Variants in EXD2 observed in about 807,000 individuals in gnomAD.
The protein encoded by EXD2 is exonuclease 3'-5' domain containing 2.
A neutral mutation model predicts 62.5 loss-of-function variants in EXD2; 40 were observed. The observed-to-expected ratio is 0.64, with a 90% confidence interval of 0.50 to 0.83. EXD2 has a LOEUF of 0.83. Ranked by LOEUF, EXD2 falls within the 40% of genes least tolerant of loss-of-function variation. The pLI is 0.00. For missense variants in EXD2, 671 were observed against 761.8 expected (o/e 0.88, Z 1.40); for synonymous variants, 239 against 291.9 (o/e 0.82, Z 1.85).
At chr14:69,217,205 A>G (rs2043014043) in intron 3 of EXD2, among the ~76,000 whole-genome samples, 1 of 152,126 alleles carries the variant, frequency 6.6e-6, no homozygotes, top group Non-Finnish European at 1.5e-5. Context: ...GGCACACACT[A>G]CCACAACTGG....
At chr14:69,219,414 T>C (rs564448429) in intron 3 of EXD2, among the ~76,000 whole-genome samples, 76 of 152,360 alleles carry the variant, frequency 5.0e-4, no homozygotes, top group Non-Finnish European at 9.1e-4. Flanking sequence ...CTTAGGTTGA[T>C]TCTATATCTT....
chr14:69,200,459 T>G (rs1268391987), intron 1 of EXD2, among the ~76,000 whole-genome samples: 1 of 151,714 alleles, frequency 6.6e-6, no homozygotes, highest in Non-Finnish European at 1.5e-5. Flanking sequence ...CCCAGCACTT[T>G]GGGAGGCCGA....
At position 69,235,074 on chromosome 14, in the gene EXD2, G is replaced by A; in HGVS notation, c.1049+43G>A. On this transcript the variant is annotated intron_variant, in intron 6 of 9. Transcript: ENST00000685843. ...TGTCTAGTAAAGAGTCAGTGGCCCA[G>A]CCTTAGCAAAGGGTTTGATGCTTCC... The A allele has an allele frequency of 2.0e-6, 3 of 1,502,938 alleles. No homozygotes were observed. In the East Asian group the frequency reaches 7.0e-5, roughly 35 times the overall value. 93.1% of individuals were successfully genotyped at this position (1,502,938 alleles called of 1,614,324 possible).
intron 2 of EXD2, among the ~76,000 whole-genome samples, chr14:69,207,638 A>G (rs1450566376): frequency 1.1e-4 from 16 of 152,212 alleles, no homozygotes. Context: ...CTTTTAGGCC[A>G]GAGGCCACAG....
chr14:69,240,849 T>G, intron 9 of EXD2, 35 bp from the exon 10 acceptor site: 1 of 1,592,328 alleles, frequency 6.3e-7, no homozygotes, highest in Non-Finnish European at 8.6e-7. Context: ...CTGCGCTTGT[T>G]TCCCTCAGAC....
chr14:69,201,672 G>GTTTTTT (rs71102634), intron 1 of EXD2, among the ~76,000 whole-genome samples: 3 of 59,022 alleles, frequency 5.1e-5, no homozygotes, highest in Non-Finnish European at 9.1e-5. Context: ...TGTTTTCTCT[G>GTTTTTT]TTTTTTTTTT....
chr14:69,226,274 G>A (rs1411040295), intron 3 of EXD2, among the ~76,000 whole-genome samples: 2 of 152,176 alleles, frequency 1.3e-5, no homozygotes, highest in Non-Finnish European at 2.9e-5. Flanking sequence ...CCCAGTAGTC[G>A]TGTTTCTCAC....
rs1049353815 is a variant in EXD2 at position 69,220,113 on chromosome 14, A to G, written c.334-8703A>G. Among the ~76,000 whole-genome samples the G allele has an allele frequency of 2.6e-5, 4 of 151,636 alleles. No homozygotes were observed. In the East Asian group the frequency reaches 7.7e-4, roughly 29 times the overall value. On this transcript the variant is annotated intron_variant, in intron 3 of 9. Coordinates refer to ENST00000685843, the MANE Select transcript of EXD2 (RefSeq NM_001193360.2). Reference sequence around the variant, plus strand: ...ATATATCTTCTCTCTTTATGCTGTTATTGTGTTGAAATACATTGATTTTTG... The same window carrying G: ...ATATATCTTCTCTCTTTATGCTGTTGTTGTGTTGAAATACATTGATTTTTG...
At chr14:69,224,368 G>A (rs1449551810) in intron 3 of EXD2, 1 of 152,186 alleles carries the variant, frequency 6.6e-6, no homozygotes, top group African/African-American at 2.4e-5. Context: ...AGGGGGAAGG[G>A]TGCTAAACCA....
intron 3 of EXD2, among the ~76,000 whole-genome samples, chr14:69,210,838 A>G (rs2042782105): frequency 6.6e-6 from 1 of 152,224 alleles, no homozygotes. Flanking sequence ...TGTTTATACT[A>G]TACTATAGTT....
chr14:69,229,223 T>G lies in EXD2; in HGVS notation c.590+151T>G, dbSNP rs1041734757. ...TGCATATTGAATTTGTAAGGAGACA[T>G]TCCACCTTCTGTGAAACTTTGGTTA... On this transcript the variant is annotated intron_variant, in intron 4 of 9. Transcript: ENST00000685843. The G allele has an allele frequency of 2.7e-6, 3 of 1,103,058 alleles. No individual in the cohort carries two copies. The African/African-American group carries it at 4.8e-5, about 18-fold the overall frequency. The allele number at this position is 1,103,058 out of a possible 1,614,324, so 68.3% of individuals were successfully genotyped here. A position where few individuals can be genotyped will look rare whatever the true frequency, so the allele number is the denominator to read the frequency against.
intron 1 of EXD2, among the ~76,000 whole-genome samples, chr14:69,192,582 C>T (rs1431126777): frequency 5.3e-5 from 8 of 151,582 alleles, no homozygotes; most frequent in Non-Finnish European, 1.2e-4. Context: ...TTGTTTTTTT[C>T]CATCTCCACC....
chr14:69,233,670 A>G (rs930601180), intron 5 of EXD2, among the ~76,000 whole-genome samples: 1 of 150,650 alleles, frequency 6.6e-6, no homozygotes, highest in Non-Finnish European at 1.5e-5. Context: ...CAAATTCCTG[A>G]CCTCAAGTGA....
intron 3 of EXD2, among the ~76,000 whole-genome samples, chr14:69,218,110 A>G (rs1196216202): frequency 6.6e-6 from 1 of 152,212 alleles, no homozygotes; most frequent in African/African-American, 2.4e-5. Flanking sequence ...GAATCGCCAC[A>G]CTGTCTTCTA....
Position 69,228,873 on chromosome 14 carries a change from G to A in EXD2, c.391G>A (p.Gly131Ser), listed in dbSNP as rs2043465248. 6.2e-7 allele frequency: 1 copy of A among 1,614,024 alleles called. No individual in the cohort carries two copies. The highest frequency in any genetic ancestry group is 1.3e-5 in the African/African-American group (1 of 74,900). Reference protein sequence around the residue: ...LSLLQMASPSGLCVLVRLPKL... With the variant: ...LSLLQMASPSSLCVLVRLPKL... ...ACTTCTACAAATGGCCTCCCCAAGT[G>A]GCCTGTGTGTCTTGGTTCGCCTGCC... The change falls in exon 4 of 10, where the codon GGC (glycine) becomes AGC (serine). Residue 131 changes from glycine (G) to serine (S), a missense_variant. Coordinates refer to ENST00000685843, the MANE Select transcript of EXD2 (RefSeq NM_001193360.2).
intron 1 of EXD2, among the ~76,000 whole-genome samples, chr14:69,198,418 C>T (rs11158795): frequency 0.31 from 47,566 of 152,016 alleles, 9,883 homozygotes; most frequent in East Asian, 0.92. Context: ...CTGCCTACGG[C>T]CTTGCTCTCC....
intron 5 of EXD2, 58 bp from the exon 6 acceptor site, chr14:69,234,642 A>G (rs2043705779): frequency 1.4e-6 from 2 of 1,413,512 alleles, no homozygotes; most frequent in Non-Finnish European, 1.9e-6. Context: ...ATTGACTTTG[A>G]AGTTTTTCTC....
chr14:69,230,456 T>C lies in EXD2; in HGVS notation c.591-16T>C. ...TTTGCCCGTTTTTGATGCATGGTTT[T>C]CTTTGTTTCTTTTAGAAACAATTTG... On this transcript the variant is annotated splice_polypyrimidine_tract_variant and intron_variant, in intron 4 of 9. Coordinates refer to ENST00000685843, the MANE Select transcript of EXD2 (RefSeq NM_001193360.2). 1 of 1,576,440 alleles carries C rather than the reference T, an allele frequency of 6.3e-7. No individual in the cohort carries two copies. Among genetic ancestry groups the C allele is most frequent in the East Asian group, 2.3e-5 (1 of 44,414 alleles).
At chr14:69,228,773 T>C (rs2043461828) in intron 3 of EXD2, 43 bp from the exon 4 acceptor site, 1 of 1,577,814 alleles carries the variant, frequency 6.3e-7, no homozygotes, top group South Asian at 1.1e-5. Context: ...TGCTCGCTGC[T>C]GTGCTCAGGT....
Sources: gnomAD v4.1 joint callset for allele counts (sites outside exome capture counted in the v4.1 genomes callset) on GRCh38, gnomAD v4.1.1 for gene constraint, MANE v1.5 for transcripts, NCBI Gene and HGNC (gene_info 2026-07-23, HGNC 2026-07-21) for gene names.